The following AFG1L variants were observed in gnomAD, a reference collection of about 807,000 sequenced individuals.
The protein encoded by AFG1L is AFG1 like ATPase, also known as AFG1-like ATPase.
In AFG1L, 53 loss-of-function variants were observed where a neutral mutation model predicts 62.2. That is an observed-to-expected ratio of 0.85 (90% CI 0.68 to 1.07). The LOEUF is 1.07. Among genes scored for constraint, AFG1L ranks in the 50% least tolerant of loss-of-function variants. The pLI is 0.00. For synonymous variants in AFG1L, 228 were observed against 210.3 expected (o/e 1.08, Z -0.73); for missense variants, 555 against 590.5 (o/e 0.94, Z 0.62).
At chr6:108,483,663 A>C (rs1329950756) in intron 10 of AFG1L, among the ~76,000 whole-genome samples, 1 of 152,246 alleles carries the variant, frequency 6.6e-6, no homozygotes, top group African/African-American at 2.4e-5. Flanking sequence ...TTTGTGTCTT[A>C]AAAATAATGA....
intron 8 of AFG1L, among the ~76,000 whole-genome samples, chr6:108,461,999 G>T (rs1293445935): frequency 6.6e-6 from 1 of 152,100 alleles, no homozygotes; most frequent in African/African-American, 2.4e-5. Flanking sequence ...GGAGGGTGAG[G>T]CAGGAGAATG....
chr6:108,504,245 C>G (rs1264836849), intron 10 of AFG1L, among the ~76,000 whole-genome samples: 1 of 152,218 alleles, frequency 6.6e-6, no homozygotes, highest in Non-Finnish European at 1.5e-5. Flanking sequence ...GACATGCCTT[C>G]CCCACTAAGC....
intron 8 of AFG1L, among the ~76,000 whole-genome samples, chr6:108,460,724 G>A (rs947139630): frequency 2.0e-5 from 3 of 152,162 alleles, no homozygotes; most frequent in Admixed American, 6.5e-5. Flanking sequence ...TTGGGAGGCC[G>A]AGGCGGGAGG....
At chr6:108,475,164 G>GT (rs1196802865) in intron 8 of AFG1L, among the ~76,000 whole-genome samples, 1 of 152,122 alleles carries the variant, frequency 6.6e-6, no homozygotes, top group Non-Finnish European at 1.5e-5. Context: ...CCCATTGCTT[G>GT]TTTTTGTCAG....
At chr6:108,354,207 C>T (rs1245606224) in intron 3 of AFG1L, among the ~76,000 whole-genome samples, 1 of 152,160 alleles carries the variant, frequency 6.6e-6, no homozygotes, top group African/African-American at 2.4e-5. Context: ...ATTAAATGCT[C>T]AGGCTGTTGG....
At chr6:108,406,064 G>A (rs1219988441) in intron 7 of AFG1L, among the ~76,000 whole-genome samples, 1 of 152,150 alleles carries the variant, frequency 6.6e-6, no homozygotes, top group Non-Finnish European at 1.5e-5. Flanking sequence ...CTACCTTTCA[G>A]CTATTATGAA....
At chr6:108,307,968 G>A (rs911030130) in intron 1 of AFG1L, among the ~76,000 whole-genome samples, 7 of 152,050 alleles carry the variant, frequency 4.6e-5, no homozygotes, top group Non-Finnish European at 7.4e-5. Context: ...ATTTGGATAG[G>A]CTCTTTTGTG....
chr6:108,495,935 C>T (rs920390160), intron 10 of AFG1L, among the ~76,000 whole-genome samples: 2 of 152,180 alleles, frequency 1.3e-5, no homozygotes, highest in Non-Finnish European at 2.9e-5. Flanking sequence ...TGGAGAATGT[C>T]ATCATTATCT....
chr6:108,440,647 C>T (rs532800358), intron 7 of AFG1L, among the ~76,000 whole-genome samples: 29 of 151,448 alleles, frequency 1.9e-4, no homozygotes, highest in African/African-American at 3.9e-4. Context: ...GGTGAAACCC[C>T]GTCTCTACTA....
At chr6:108,485,398 G>A (rs1773498048) in intron 10 of AFG1L, among the ~76,000 whole-genome samples, 1 of 151,722 alleles carries the variant, frequency 6.6e-6, no homozygotes, top group Non-Finnish European at 1.5e-5. Flanking sequence ...CAATGGAAGA[G>A]TAAGTGTGCC....
chr6:108,379,938 C>T (rs1358853312), intron 6 of AFG1L, among the ~76,000 whole-genome samples: 2 of 149,464 alleles, frequency 1.3e-5, no homozygotes, highest in Non-Finnish European at 3.0e-5. Context: ...AGACTCTCTG[C>T]ACAGGAAGAG....
At chr6:108,429,928 G>A (rs1770996969) in intron 7 of AFG1L, among the ~76,000 whole-genome samples, 1 of 151,912 alleles carries the variant, frequency 6.6e-6, no homozygotes, top group Non-Finnish European at 1.5e-5. Context: ...AGTTTCATTT[G>A]TTTGTGTCAT....
chr6:108,427,557 T>C (rs1770878494), intron 7 of AFG1L, among the ~76,000 whole-genome samples: 1 of 147,000 alleles, frequency 6.8e-6, no homozygotes, highest in South Asian at 2.2e-4. Context: ...AGTCTTGCTC[T>C]GTCACCCAGG....
chr6:108,462,002 G>A (rs1299684845), intron 8 of AFG1L, among the ~76,000 whole-genome samples: 21 of 152,142 alleles, frequency 1.4e-4, no homozygotes, highest in Admixed American at 1.3e-3. Flanking sequence ...GGGTGAGGCA[G>A]GAGAATGGCG....
At chr6:108,394,803 G>C (rs985267321) in intron 6 of AFG1L, among the ~76,000 whole-genome samples, 5 of 152,158 alleles carry the variant, frequency 3.3e-5, no homozygotes, top group African/African-American at 1.2e-4. Flanking sequence ...TATGAACAAA[G>C]CTGATGTAAA....
chr6:108,317,955 C>T (rs1027743764), intron 1 of AFG1L: 1 of 152,618 alleles, frequency 6.6e-6, no homozygotes, highest in Non-Finnish European at 1.5e-5. Flanking sequence ...GGGAGCATAT[C>T]AGCATAAACT....
intron 7 of AFG1L, among the ~76,000 whole-genome samples, chr6:108,444,082 A>G (rs958617936): frequency 6.6e-6 from 1 of 151,590 alleles, no homozygotes; most frequent in African/African-American, 2.4e-5. Context: ...CTATCTATCT[A>G]TCTATCTATC....
At chr6:108,423,319 T>C (rs1384631005) in intron 7 of AFG1L, among the ~76,000 whole-genome samples, 1 of 152,070 alleles carries the variant, frequency 6.6e-6, no homozygotes, top group African/African-American at 2.4e-5. Context: ...CATTTTAGTC[T>C]TGTTGCTTTT....
At chr6:108,519,193 G>A (rs1003161668) in intron 11 of AFG1L, among the ~76,000 whole-genome samples, 2 of 152,084 alleles carry the variant, frequency 1.3e-5, no homozygotes, top group Non-Finnish European at 1.5e-5. Flanking sequence ...GGAATGGAAG[G>A]CAAAAAGTGG....
Sources: gnomAD v4.1 joint callset for allele counts (sites outside exome capture counted in the v4.1 genomes callset) on GRCh38, gnomAD v4.1.1 for gene constraint, MANE v1.5 for transcripts, NCBI Gene and HGNC (gene_info 2026-07-23, HGNC 2026-07-21) for gene names.